The following TGM1 variants were observed in gnomAD, a reference collection of about 807,000 sequenced individuals.
TGM1 encodes protein-glutamine gamma-glutamyltransferase K.
TGM1 carries 63 observed loss-of-function variants against 88.7 expected under a neutral mutation model. The observed-to-expected ratio is 0.71, with a 90% confidence interval of 0.58 to 0.88. The LOEUF is 0.88. Among genes scored for constraint, TGM1 ranks in the 40% least tolerant of loss-of-function variants. The pLI is 0.00. For missense variants in TGM1, 996 were observed against 1,118.0 expected, an observed-to-expected ratio of 0.89 and a Z score of 1.56; for synonymous variants, 415 against 431.1, an observed-to-expected ratio of 0.96 and a Z score of 0.46.
chr14:24,260,759 G>A, intron 3 of TGM1, 61 bp from the exon 4 acceptor site: 1 of 1,611,258 alleles, frequency 6.2e-7, no homozygotes, highest in Non-Finnish European at 8.5e-7. Flanking sequence ...GATGGAGCCT[G>A]GGACTTCTCC....
Position 24,260,538 on chromosome 14 carries a change from T to C in TGM1, c.669A>G (p.Thr223=). 6.2e-7 allele frequency: 1 copy of C among 1,614,240 alleles called. No homozygotes were observed. Among genetic ancestry groups the C allele is most frequent in the Non-Finnish European group, 8.5e-7 (1 of 1,180,034 alleles). Residue 223 remains threonine (T), a synonymous_variant, in exon 4 of 15, where the codon ACA becomes ACG. Coordinates refer to ENST00000206765, the MANE Select transcript of TGM1 (RefSeq NM_000359.3). ...PNAIIGKFQF[T]VRTQSDAGEF... ...CCCCAGCGTCTGATTGTGTGCGGAC[T>C]GTGAACTGAAACTTGCCGATGATGG...
At chr14:24,257,327 T>C (rs1171604084) in intron 9 of TGM1, among the ~76,000 whole-genome samples, 1 of 152,156 alleles carries the variant, frequency 6.6e-6, no homozygotes. Flanking sequence ...GGCTGGGGTA[T>C]CACGGTAAGA....
At chr14:24,260,346 C>T in intron 4 of TGM1, 104 bp downstream of exon 4, 1 of 1,546,350 alleles carries the variant, frequency 6.5e-7, no homozygotes, top group East Asian at 2.4e-5. Flanking sequence ...AGGCTGGCTT[C>T]TCCTGGGGTC....
At position 24,254,373 on chromosome 14, in the gene TGM1, T is replaced by C; in HGVS notation, c.2089-85A>G. 5.6e-6 allele frequency: 9 copies of C among 1,602,074 alleles called. No homozygotes were observed. In the South Asian group the frequency reaches 6.7e-5, roughly 12 times the overall value. Reference sequence around the variant, plus strand: ...GTACACTGCACCAGAGAGGGGAAGCTGCTTAGAAGCAAAACCTCCCCGAGT... The same window carrying C: ...GTACACTGCACCAGAGAGGGGAAGCCGCTTAGAAGCAAAACCTCCCCGAGT... On this transcript the variant is annotated intron_variant, in intron 13 of 14. Coordinates refer to ENST00000206765, the MANE Select transcript of TGM1 (RefSeq NM_000359.3).
intron 9 of TGM1, among the ~76,000 whole-genome samples, chr14:24,257,501 T>C (rs2040763539): frequency 6.6e-6 from 1 of 152,252 alleles, no homozygotes; most frequent in Non-Finnish European, 1.5e-5. Flanking sequence ...ATCTGAGCCC[T>C]GATTTTTTTC....
chr14:24,252,586 C>T (rs181032628), intron 14 of TGM1, among the ~76,000 whole-genome samples: 106 of 152,338 alleles, frequency 7.0e-4, no homozygotes, highest in Middle Eastern at 3.4e-3. Flanking sequence ...GGTATGGTGA[C>T]ATGAGGAAAG....
chr14:24,258,140 TGGTTCA>T (rs1395009409), intron 9 of TGM1, 139 bp downstream of exon 9: 1 of 627,324 alleles, frequency 1.6e-6, no homozygotes, highest in African/African-American at 1.8e-5. Flanking sequence ...ATCCACGTGG[TGGTTCA>T]GCTGACAAAC....
At chr14:24,254,533 C>T in intron 13 of TGM1, 131 bp downstream of exon 13, 3 of 1,433,416 alleles carry the variant, frequency 2.1e-6, no homozygotes, top group Middle Eastern at 1.8e-4. Flanking sequence ...GGCCCCAGAG[C>T]CGGTCCTTGA....
intron 9 of TGM1, among the ~76,000 whole-genome samples, chr14:24,257,366 T>C (rs899709235): frequency 3.3e-5 from 5 of 151,808 alleles, no homozygotes; most frequent in African/African-American, 1.2e-4. Flanking sequence ...GAGAACAGAG[T>C]GTATGGTAGT....
Position 24,259,984 on chromosome 14 carries a change from C to G in TGM1, c.832G>C (p.Gly278Arg). 1 of 1,614,182 alleles carries G rather than the reference C, an allele frequency of 6.2e-7. No homozygotes were observed. Among genetic ancestry groups the G allele is most frequent in the Non-Finnish European group, 8.5e-7 (1 of 1,180,028 alleles). Residue 278 changes from glycine to arginine, a missense_variant, in exon 5 of 15, where the codon GGG (glycine) becomes CGG (arginine). Coordinates refer to ENST00000206765, the MANE Select transcript of TGM1 (RefSeq NM_000359.3). This position sits in a 1 kb window ranked among gnomAD's most constrained non-coding sequence, Gnocchi z 5.7. ...VLNESGRIYY[G>R]TEAQIGERTW... ...CGCTCACCAATCTGTGCTTCGGTCC[C>G]GTAGTAAATTCTCCCAGACTCATTA...
chr14:24,254,573 C>A (rs751669241), intron 13 of TGM1, 91 bp downstream of exon 13: 92 of 1,596,326 alleles, frequency 5.8e-5, no homozygotes, highest in Non-Finnish European at 7.8e-5. Flanking sequence ...ATCAGGCCAG[C>A]CTGCTGCTGG....
intron 14 of TGM1, among the ~76,000 whole-genome samples, chr14:24,252,790 A>G (rs1010907064): frequency 4.6e-5 from 7 of 152,208 alleles, no homozygotes; most frequent in Middle Eastern, 3.4e-3. Context: ...ACCCCAAGCC[A>G]TTGTTCTTTC....
chr14:24,249,510 G>A lies in TGM1; in HGVS notation c.2257C>T (p.Arg753Cys), dbSNP rs770824119. 36 of 1,613,932 alleles carry A rather than the reference G, an allele frequency of 2.2e-5. No individual in the cohort carries two copies. The highest frequency in any genetic ancestry group is 3.3e-4 in the Middle Eastern group (2 of 6,078). The change falls in exon 15 of 15, where the codon CGC (arginine) becomes TGC (cysteine). Residue 753 changes from arginine (R) to cysteine (C), a missense_variant. Transcript: ENST00000206765. ...GGTCGCACAGGCACAAACGACTGGCGCAGTGTCACTGTTTCATTGCCTCCA... is the reference window on the plus strand; with the variant it reads ...GGTCGCACAGGCACAAACGACTGGCACAGTGTCACTGTTTCATTGCCTCCA... The part of the protein sequence containing the change: ...DIGGNETVTL[R>C]QSFVPVRPGP...
rs768826918 is a variant in TGM1, at chr14:24,260,436, C to T, written c.757+14G>A. ...CCTCCCATCTACCCTCTGCTCCAGA[C>T]CCCAGCTGCTCACCTGGGCACCAGG... On this transcript the variant is annotated intron_variant, in intron 4 of 14. Coordinates refer to ENST00000206765, the MANE Select transcript of TGM1 (RefSeq NM_000359.3). 3.1e-6 allele frequency: 5 copies of T among 1,614,116 alleles called. No homozygotes were observed. In the South Asian group the frequency reaches 4.4e-5, roughly 14 times the overall value.
chr14:24,252,535 C>T (rs772342135), intron 14 of TGM1, among the ~76,000 whole-genome samples: 9 of 152,168 alleles, frequency 5.9e-5, no homozygotes, highest in East Asian at 1.9e-4. Flanking sequence ...GCAGGCTACC[C>T]GGGGGGTTCA....
At position 24,262,083 on chromosome 14, in the gene TGM1, A is replaced by T. The variant is rs201400055; in HGVS notation, c.270T>A (p.Pro90=). The T allele has an allele frequency of 1.6e-4, 262 of 1,613,514 alleles. 1 individual carries two copies. The highest frequency in any genetic ancestry group is 1.5e-3 in the Admixed American group (89 of 60,006). The change falls in exon 2 of 15, where the codon CCT becomes CCA. Residue 90 remains proline (P), a synonymous_variant. Coordinates refer to ENST00000206765, the MANE Select transcript of TGM1 (RefSeq NM_000359.3). The part of the protein sequence containing the change: ...PGSRGSDSRR[P]VSRGSGVNAA... ...CATTGACACCGCTGCCCCGGGATAC[A>T]GGCCGGCGGGAGTCTGAGCCCCGGG...
rs983092473 is a variant in TGM1 at position 24,255,658 on chromosome 14, G to T, written c.1492-141C>A. ...TGGGAGCTTCCTGGCAGAGCCCAAGGGGAGACTTTCCAAGACGAGCCAGAC... is the reference window on the plus strand; with the variant it reads ...TGGGAGCTTCCTGGCAGAGCCCAAGTGGAGACTTTCCAAGACGAGCCAGAC... On this transcript the variant is annotated intron_variant, in intron 10 of 14. Coordinates refer to ENST00000206765, the MANE Select transcript of TGM1 (RefSeq NM_000359.3). This position sits in a 1 kb window ranked among gnomAD's most constrained non-coding sequence, Gnocchi z 4.0. The T allele has an allele frequency of 1.4e-5, 17 of 1,181,398 alleles. No individual in the cohort carries two copies. The African/African-American group carries it at 2.4e-4, about 17-fold the overall frequency. The allele number at this position is 1,181,398 out of a possible 1,614,324, so 73.2% of individuals were successfully genotyped here. A position where few individuals can be genotyped will look rare whatever the true frequency, so the allele number is the denominator to read the frequency against.
Position 24,255,217 on chromosome 14 carries a change from G to A in TGM1, c.1682C>T (p.Ala561Val). 1.8e-5 allele frequency: 29 copies of A among 1,613,856 alleles called. No homozygotes were observed. The highest frequency in any genetic ancestry group is 2.4e-5 in the Non-Finnish European group (28 of 1,180,042). The part of the protein sequence containing the change: ...DAERKAVETA[A>V]AHGSKPNVYA... The stretch of plus-strand genomic sequence containing the variant: ...CACATTGGGTTTGCTGCCGTGGGCT[G>A]CTGCTGTCTCTACTGCCTTCCGCTC... The change falls in exon 12 of 15, where the codon GCA becomes GTA. Residue 561 changes from alanine to valine, a missense_variant. By Grantham distance (64) the Ala-to-Val change is moderately conservative. Transcript: ENST00000206765. This position sits in a 1 kb window ranked among gnomAD's most constrained non-coding sequence, Gnocchi z 4.0.
At chr14:24,254,099 C>A in intron 14 of TGM1, 53 bp downstream of exon 14, 5 of 1,580,036 alleles carry the variant, frequency 3.2e-6, no homozygotes, top group Admixed American at 1.8e-5. Flanking sequence ...GCCAGGGCAG[C>A]CTGTGGGGAA....
Sources: gnomAD v4.1 joint callset for allele counts (sites outside exome capture counted in the v4.1 genomes callset) on GRCh38, gnomAD v4.1.1 for gene constraint, Gnocchi (gnomAD v3.1) non-coding constraint, MANE v1.5 for transcripts, NCBI Gene and HGNC (gene_info 2026-07-23, HGNC 2026-07-21) for gene names.